Variants in RNF11 observed in about 807,000 individuals in gnomAD.
RNF11 encodes ring finger protein 11.
A neutral mutation model predicts 15.8 loss-of-function variants in RNF11; 4 were observed. The observed-to-expected ratio is 0.25, with a 90% CI of 0.12 to 0.58. RNF11 has a LOEUF of 0.58. Among genes scored for constraint, RNF11 ranks in the 20% least tolerant of loss-of-function variants. RNF11 has a pLI of 0.91. For missense variants in RNF11, 139 were observed against 194.4 expected, an observed-to-expected ratio of 0.71 and a Z score of 1.70; for synonymous variants, 68 against 72.3, an observed-to-expected ratio of 0.94 and a Z score of 0.30.
chr1:51,245,825 A>C (rs1443748300), intron 1 of RNF11, among the ~76,000 whole-genome samples: 2 of 152,234 alleles, frequency 1.3e-5, no homozygotes, highest in African/African-American at 4.8e-5. Flanking sequence ...GAAGTAAGGA[A>C]GGTAATACAT....
intron 1 of RNF11, among the ~76,000 whole-genome samples, chr1:51,268,476 C>T (rs749080283): frequency 6.6e-5 from 10 of 152,082 alleles, no homozygotes; most frequent in Admixed American, 1.3e-4. Context: ...AATGTTTCCC[C>T]GTAAAGTAGA....
At chr1:51,266,587 G>A (rs1051768379) in intron 1 of RNF11, among the ~76,000 whole-genome samples, 4 of 151,776 alleles carry the variant, frequency 2.6e-5, no homozygotes, top group Non-Finnish European at 4.4e-5. Context: ...CTCAGTCCCC[G>A]AGGTAGCTGG....
At chr1:51,264,317 T>TATAC (rs376694497) in intron 1 of RNF11, among the ~76,000 whole-genome samples, 147 of 75,440 alleles carry the variant, frequency 1.9e-3, no homozygotes, top group South Asian at 2.9e-3. Flanking sequence ...TATATATATA[T>TATAC]ACACACACAC....
Position 51,270,009 on chromosome 1 carries a change from A to C in RNF11, c.177A>C (p.Ala59=). The C allele has an allele frequency of 6.2e-7, 1 of 1,613,786 alleles. No individual in the cohort carries two copies. The highest frequency in any genetic ancestry group is 8.5e-7 in the Non-Finnish European group (1 of 1,179,864). ...YHPTPSQTRL[A]TQLTEEEQIR... ...CAACACCTAGCCAGACTCGGCTAGCAACTCAGCTGACTGAAGAGGAACAAA... is the reference window on the plus strand; with the variant it reads ...CAACACCTAGCCAGACTCGGCTAGCCACTCAGCTGACTGAAGAGGAACAAA... Residue 59 remains alanine, a synonymous_variant, in exon 2 of 3, where the codon GCA becomes GCC. Transcript: ENST00000242719.
At chr1:51,255,464 T>C (rs1040517292) in intron 1 of RNF11, among the ~76,000 whole-genome samples, 2 of 152,184 alleles carry the variant, frequency 1.3e-5, no homozygotes, top group African/African-American at 2.4e-5. Context: ...CTCACTCTTT[T>C]TCCCAGGCTG....
In RNF11 at chr1:51,255,889, G is replaced by A. The variant is rs577280414; in HGVS notation, c.124-14067G>A. On this transcript the variant is annotated intron_variant, in intron 1 of 2. Transcript: ENST00000242719. ...TATAAGTAAGGTTTGAAATCAGAAAGTGTGAGTCTTTTTTGTTGTTGTTGT... is the reference window on the plus strand; with the variant it reads ...TATAAGTAAGGTTTGAAATCAGAAAATGTGAGTCTTTTTTGTTGTTGTTGT... 1.2e-4 allele frequency among the ~76,000 whole-genome samples: 18 copies of A among 152,284 alleles called. No individual in the cohort carries two copies. The South Asian group carries it at 2.3e-3, about 19-fold the overall frequency.
intron 1 of RNF11, among the ~76,000 whole-genome samples, chr1:51,243,152 C>T (rs552439859): frequency 6.6e-6 from 1 of 151,852 alleles, no homozygotes; most frequent in South Asian, 2.1e-4. Context: ...ACAGTTGTTT[C>T]TCCACATCAG....
At chr1:51,257,853 C>CTTTTTTTTTTTTTTTTTTTTTTTTTTTTT (rs1245365473) in intron 1 of RNF11, among the ~76,000 whole-genome samples, 4 of 91,268 alleles carry the variant, frequency 4.4e-5, no homozygotes, top group African/African-American at 1.9e-4. Context: ...CTTTTCTTTT[C>CTTTTTTTTTTTTTTTTTTTTTTTTTTTTT]TTTTTTTTTT....
At chr1:51,237,460 A>ATG (rs1264277960) in intron 1 of RNF11, among the ~76,000 whole-genome samples, 3 of 147,332 alleles carry the variant, frequency 2.0e-5, no homozygotes, top group Non-Finnish European at 4.5e-5. Flanking sequence ...ATATATATAT[A>ATG]TATGTATATA....
At chr1:51,250,998 G>A in intron 1 of RNF11, 1 of 1,411,266 alleles carries the variant, frequency 7.1e-7, no homozygotes, top group Admixed American at 1.8e-5. Context: ...GGGGACAATG[G>A]AGAGCTTGGC....
intron 1 of RNF11, among the ~76,000 whole-genome samples, chr1:51,242,869 A>C (rs1261795499): frequency 1.3e-5 from 2 of 152,204 alleles, no homozygotes; most frequent in Non-Finnish European, 2.9e-5. Context: ...TGGGTGGAAA[A>C]TATCTCCAAA....
At chr1:51,264,289 TATA>T (rs1465056117) in intron 1 of RNF11, among the ~76,000 whole-genome samples, 3 of 44,982 alleles carry the variant, frequency 6.7e-5, no homozygotes, top group African/African-American at 3.4e-4. Context: ...AAAAAAAAAA[TATA>T]TATATATATA....
At chr1:51,255,917 T>G (rs1288643850) in intron 1 of RNF11, among the ~76,000 whole-genome samples, 1 of 152,196 alleles carries the variant, frequency 6.6e-6, no homozygotes, top group Non-Finnish European at 1.5e-5. Flanking sequence ...GTTGTTGTTC[T>G]CCCTTTTCAG....
chr1:51,259,320 C>T (rs1646919393), intron 1 of RNF11, among the ~76,000 whole-genome samples: 2 of 152,202 alleles, frequency 1.3e-5, no homozygotes, highest in African/African-American at 2.4e-5. Flanking sequence ...CCCTTTTCCT[C>T]TCTAACCTCA....
chr1:51,247,456 T>TG (rs1466032899), intron 1 of RNF11, among the ~76,000 whole-genome samples: 2 of 119,096 alleles, frequency 1.7e-5, no homozygotes, highest in Non-Finnish European at 3.4e-5. Flanking sequence ...GTTTTTTTGT[T>TG]TTTTTTTTTT....
intron 1 of RNF11, chr1:51,265,864 T>C: frequency 6.6e-6 from 1 of 152,024 alleles, no homozygotes; most frequent in East Asian, 1.9e-4. Context: ...TTTTTTTTTT[T>C]TTTTTTTAAC....
chr1:51,261,157 G>A (rs1443802372), intron 1 of RNF11, among the ~76,000 whole-genome samples: 1 of 152,054 alleles, frequency 6.6e-6, no homozygotes, highest in Admixed American at 6.5e-5. Context: ...AACTCTGTAA[G>A]ATCTAAGTTC....
intron 1 of RNF11, among the ~76,000 whole-genome samples, chr1:51,238,579 T>C (rs181500303): frequency 6.6e-6 from 1 of 152,354 alleles, no homozygotes; most frequent in Non-Finnish European, 1.5e-5. Context: ...CAAATATTTT[T>C]TCCAAAGTAA....
intron 1 of RNF11, among the ~76,000 whole-genome samples, chr1:51,245,497 G>A (rs1259121367): frequency 1.3e-5 from 2 of 151,700 alleles, no homozygotes; most frequent in Non-Finnish European, 2.9e-5. Flanking sequence ...CATCGCCCAG[G>A]CTGGAGTGCA....
Sources: gnomAD v4.1 joint callset for allele counts (sites outside exome capture counted in the v4.1 genomes callset) on GRCh38, gnomAD v4.1.1 for gene constraint, MANE v1.5 for transcripts, NCBI Gene and HGNC (gene_info 2026-07-23, HGNC 2026-07-21) for gene names.